FAT3: variants seen among roughly 807,000 people sequenced by gnomAD.
FAT3 encodes FAT atypical cadherin 3.
A neutral mutation model predicts 310.2 loss-of-function variants in FAT3; 95 were observed. The observed-to-expected ratio is 0.31, with a 90% CI of 0.26 to 0.36. FAT3 has a LOEUF of 0.36. FAT3 is among the 10% of genes least tolerant of loss of function. The pLI is 1.00. For synonymous variants in FAT3, 2,314 were observed against 2,192.9 expected (o/e 1.06, Z -1.54); for missense variants, 5,408 against 5,715.6 (o/e 0.95, Z 1.74).
intron 1 of FAT3, among the ~76,000 whole-genome samples, chr11:92,289,614 CA>C: frequency 6.6e-6 from 1 of 152,054 alleles, no homozygotes; most frequent in Admixed American, 6.6e-5. Context: ...GCCGTATCTT[CA>C]GAATATTTCC....
intron 3 of FAT3, among the ~76,000 whole-genome samples, chr11:92,619,283 T>C (rs1310352860): frequency 2.0e-5 from 3 of 152,192 alleles, no homozygotes; most frequent in East Asian, 1.9e-4. Context: ...ATAAGAGATA[T>C]AACTTTTGCA....
chr11:92,852,252 A>G (rs1233070499), intron 19 of FAT3, among the ~76,000 whole-genome samples: 2 of 152,206 alleles, frequency 1.3e-5, no homozygotes, highest in East Asian at 1.9e-4. Flanking sequence ...AATGTGGCAT[A>G]TGGGTGTTAT....
intron 4 of FAT3, among the ~76,000 whole-genome samples, chr11:92,704,841 CCCT>C (rs1413152312): frequency 3.9e-5 from 6 of 152,228 alleles, no homozygotes; most frequent in Middle Eastern, 3.4e-3. Flanking sequence ...CTGTCCCTGC[CCCT>C]CCTCACACCA....
At chr11:92,777,004 A>G (rs1344815732) in intron 7 of FAT3, among the ~76,000 whole-genome samples, 2 of 152,210 alleles carry the variant, frequency 1.3e-5, no homozygotes, top group Non-Finnish European at 2.9e-5. Flanking sequence ...CTCCGTGTCA[A>G]GAACACTTTT....
chr11:92,771,438 G>T (rs1946453029), intron 6 of FAT3, among the ~76,000 whole-genome samples: 1 of 152,016 alleles, frequency 6.6e-6, no homozygotes, highest in African/African-American at 2.4e-5. Context: ...TAAATTGTGT[G>T]AGGGTTGATG....
rs142933167 is a variant in FAT3 at position 92,509,983 on chromosome 11, A to G, written c.3293-14651A>G. Among the ~76,000 whole-genome samples the G allele has an allele frequency of 6.0e-3, 911 of 152,206 alleles. 6 individuals are homozygous for G. The highest frequency in any genetic ancestry group is 0.021 in the African/African-American group (876 of 41,538). ...ATGCTCCAAAAGTTTCTGCTGTTCA[A>G]AAGATTCATCTATCTTCTACCTATC... is the stretch of plus-strand genomic sequence containing the variant. On this transcript the variant is annotated intron_variant, in intron 2 of 27. Coordinates refer to ENST00000525166, the MANE Select transcript of FAT3 (RefSeq NM_001367949.2).
intron 3 of FAT3, among the ~76,000 whole-genome samples, chr11:92,614,338 G>A (rs552580503): frequency 1.5e-4 from 23 of 152,228 alleles, no homozygotes; most frequent in Admixed American, 1.4e-3. Context: ...ATTTTGCAAA[G>A]GTGCTGGACC....
intron 3 of FAT3, among the ~76,000 whole-genome samples, chr11:92,676,296 A>G (rs1459098500): frequency 6.6e-6 from 1 of 152,222 alleles, no homozygotes; most frequent in Non-Finnish European, 1.5e-5. Context: ...TAGATGCTTT[A>G]TATGTATGAT....
chr11:92,842,051 A>G (rs1427348034), intron 18 of FAT3, among the ~76,000 whole-genome samples: 2 of 152,310 alleles, frequency 1.3e-5, no homozygotes, highest in East Asian at 3.9e-4. Context: ...ACTGGCACAC[A>G]GCCTCCTTCA....
At chr11:92,325,912 G>T (rs534134727) in intron 1 of FAT3, among the ~76,000 whole-genome samples, 2 of 152,238 alleles carry the variant, frequency 1.3e-5, no homozygotes, top group African/African-American at 4.8e-5. Context: ...TTACAGGCAT[G>T]AGCCACCATA....
At chr11:92,262,520 A>G (rs925374409) in intron 1 of FAT3, among the ~76,000 whole-genome samples, 3 of 152,124 alleles carry the variant, frequency 2.0e-5, no homozygotes, top group African/African-American at 7.2e-5. Context: ...CTCAGGTCAG[A>G]ACTCAGAAAA....
At chr11:92,623,244 C>G (rs1035214698) in intron 3 of FAT3, among the ~76,000 whole-genome samples, 1 of 148,252 alleles carries the variant, frequency 6.7e-6, no homozygotes, top group Non-Finnish European at 1.5e-5. Flanking sequence ...GGTATGCTTC[C>G]CCCAGTGACC....
intron 1 of FAT3, among the ~76,000 whole-genome samples, chr11:92,229,799 T>C (rs1305495864): frequency 2.7e-5 from 4 of 150,430 alleles, no homozygotes; most frequent in Admixed American, 2.0e-4. Context: ...TTTTTTCTTT[T>C]TTTTTTTTTT....
chr11:92,432,613 G>T (rs925121463), intron 2 of FAT3, among the ~76,000 whole-genome samples: 2 of 152,200 alleles, frequency 1.3e-5, no homozygotes, highest in African/African-American at 2.4e-5. Flanking sequence ...AGCAAAGAAT[G>T]CTGCCTGCTC....
chr11:92,803,298 T>C (rs1947416317), intron 10 of FAT3, among the ~76,000 whole-genome samples: 1 of 152,218 alleles, frequency 6.6e-6, no homozygotes, highest in African/African-American at 2.4e-5. Flanking sequence ...TTAAAGCTAC[T>C]GTTACTATTA....
At chr11:92,446,799 T>C (rs536564766) in intron 2 of FAT3, among the ~76,000 whole-genome samples, 2 of 152,298 alleles carry the variant, frequency 1.3e-5, no homozygotes, top group South Asian at 2.1e-4. Context: ...CTTTGTATCA[T>C]TGAAAGTGGA....
In FAT3 at chr11:92,799,396, G is replaced by A. The variant is rs1947267467; in HGVS notation, c.6383G>A (p.Gly2128Asp). Residue 2128 changes from glycine to aspartate, a missense_variant, in exon 10 of 28, where the codon GGC (glycine) becomes GAC (aspartate). Physicochemically the swap from Gly to Asp is moderately conservative, Grantham distance 94. Coordinates refer to ENST00000525166, the MANE Select transcript of FAT3 (RefSeq NM_001367949.2). ...EVTYVLQDDYGHFEINPNSGN... is the reference protein window; with the variant it reads ...EVTYVLQDDYDHFEINPNSGN... The stretch of plus-strand genomic sequence containing the variant: ...ACCTATGTCCTGCAGGATGACTATG[G>A]CCACTTTGAAATTAACCCTAATTCA... 4 of 1,613,534 alleles carry A rather than the reference G, an allele frequency of 2.5e-6. No homozygotes were observed. The South Asian group carries it at 4.4e-5, about 18-fold the overall frequency.
intron 2 of FAT3, among the ~76,000 whole-genome samples, chr11:92,389,371 G>A (rs536848838): frequency 7.2e-5 from 11 of 152,248 alleles, no homozygotes; most frequent in African/African-American, 9.6e-5. Context: ...ACTGTTTTCT[G>A]TCCTGATGTC....
At chr11:92,418,178 C>T (rs948081632) in intron 2 of FAT3, among the ~76,000 whole-genome samples, 14 of 152,006 alleles carry the variant, frequency 9.2e-5, no homozygotes, top group Admixed American at 3.3e-4. Flanking sequence ...AATTGATTTC[C>T]GCAAATGAAG....
Sources: allele counts gnomAD v4.1 joint callset (sites outside exome capture counted in the v4.1 genomes callset), GRCh38; gene constraint gnomAD v4.1.1; transcripts MANE v1.5; gene names NCBI Gene and HGNC (gene_info 2026-07-23, HGNC 2026-07-21).